The following TTC3 variants were observed in gnomAD, a reference collection of about 807,000 sequenced individuals.
TTC3 encodes the protein tetratricopeptide repeat domain 3.
TTC3 carries 180 observed loss-of-function variants against 249.6 expected under a neutral mutation model. The observed-to-expected ratio is 0.72, with a 90% CI of 0.64 to 0.82. The LOEUF (loss-of-function observed/expected upper bound fraction) is 0.82, where lower values mean the gene tolerates loss of function less well. Ranked by LOEUF, TTC3 falls within the 40% of genes least tolerant of loss-of-function variation. The probability of loss-of-function intolerance (pLI) is 0.00; values close to 1 mark genes in which losing one functional copy is unlikely to be tolerated. For synonymous variants in TTC3, 717 were observed against 805.0 expected, an observed-to-expected ratio of 0.89 and a Z score of 1.85; for missense variants, 2,061 against 2,398.4, an observed-to-expected ratio of 0.86 and a Z score of 2.94.
intron 27 of TTC3, 50 bp from the exon 28 acceptor site, chr21:37,156,605 C>T: frequency 1.3e-6 from 2 of 1,558,974 alleles, no homozygotes; most frequent in South Asian, 1.2e-5. Context: ...TGTGATTTTA[C>T]AGTAAATAAT....
intron 19 of TTC3, among the ~76,000 whole-genome samples, chr21:37,139,935 C>A (rs1204594220): frequency 2.0e-5 from 3 of 152,122 alleles, no homozygotes; most frequent in Non-Finnish European, 4.4e-5. Context: ...TTTGTAGTGA[C>A]ATTTCTTTTT....
At chr21:37,163,912 G>C in intron 31 of TTC3, 139 bp from the exon 32 acceptor site, 1 of 819,878 alleles carries the variant, frequency 1.2e-6, no homozygotes, top group South Asian at 2.8e-5. Flanking sequence ...AAGTTCCCTG[G>C]TGCTATTTTT....
At chr21:37,098,058 G>A (rs1223473286) in intron 10 of TTC3, 3 of 636,130 alleles carry the variant, frequency 4.7e-6, no homozygotes, top group Non-Finnish European at 8.6e-6. Context: ...TGGATAAACC[G>A]AGGCTATCTA....
chr21:37,156,945 T>G, intron 28 of TTC3, 39 bp downstream of exon 28: 1 of 1,586,490 alleles, frequency 6.3e-7, no homozygotes, highest in Non-Finnish European at 8.6e-7. Flanking sequence ...ACATTTAATC[T>G]TAAGGGGGAA....
Position 37,150,872 on chromosome 21 carries a change from A to G in TTC3, c.2264A>G (p.Gln755Arg), listed in dbSNP as rs1279838216. The G allele has an allele frequency of 6.2e-7, 1 of 1,608,316 alleles. No individual in the cohort carries two copies. Among genetic ancestry groups the G allele is most frequent in the South Asian group, 1.1e-5 (1 of 90,252 alleles). The change falls in exon 25 of 46, where the codon CAG becomes CGG. Residue 755 changes from glutamine to arginine, a missense_variant. Coordinates refer to ENST00000355666, the Ensembl canonical transcript of TTC3. The stretch of plus-strand genomic sequence containing the variant: ...GTTCCTCCAAGACCTATTCTGAAAC[A>G]GAAATGTTCTAGGTAAGATTTTTAA...
chr21:37,138,810 C>G, intron 19 of TTC3, 96 bp downstream of exon 19: 1 of 760,376 alleles, frequency 1.3e-6, no homozygotes, highest in Non-Finnish European at 2.0e-6. Context: ...TTCTCTGTAC[C>G]TTCTGATAAT....
At chr21:37,077,413 T>G (rs988963350) in intron 1 of TTC3, among the ~76,000 whole-genome samples, 6 of 152,210 alleles carry the variant, frequency 3.9e-5, no homozygotes, top group Non-Finnish European at 8.8e-5. Context: ...ATCACTATAG[T>G]AAGCTGTTTG....
chr21:37,195,663 T>G lies in TTC3; in HGVS notation c.5218-12T>G. 3 of 1,589,350 alleles carry G rather than the reference T, an allele frequency of 1.9e-6. No individual in the cohort carries two copies. In the South Asian group the frequency reaches 3.5e-5, roughly 18 times the overall value. On this transcript the variant is annotated splice_polypyrimidine_tract_variant and intron_variant, in intron 41 of 45. Transcript: ENST00000355666. ...GCCCTAAGTGATCCATGGTGTGGTG[T>G]GTTCCTCACAGGTTCATCCCGAGTT...
In TTC3 at chr21:37,090,287, G is replaced by GT. The variant is rs1213119851; in HGVS notation, c.480+2dup. On this transcript the variant is annotated splice_donor_variant, in intron 6 of 45. Transcript: ENST00000355666. LOFTEE classifies it high-confidence loss of function. The stretch of plus-strand genomic sequence containing the variant: ...GAGAATTGGTTGTAAAATAGAAAAT[G>GT]TAAGTGTTAAACACTGAAACTGGCA... 1 of 1,604,158 alleles carries GT rather than the reference G, an allele frequency of 6.2e-7. No homozygotes were observed. The highest frequency in any genetic ancestry group is 8.5e-7 in the Non-Finnish European group (1 of 1,174,350).
At position 37,096,565 on chromosome 21, in the gene TTC3, A is replaced by G. The variant is rs756602606; in HGVS notation, c.783-16A>G. ...GTGTAATGTGCTTTACTGACTAAAC[A>G]TTGTATCTTTTTAAGACCTGAAAAC... On this transcript the variant is annotated splice_polypyrimidine_tract_variant and intron_variant, in intron 9 of 45. Coordinates refer to ENST00000355666, the Ensembl canonical transcript of TTC3. The G allele has an allele frequency of 3.1e-6, 5 of 1,593,388 alleles. No homozygotes were observed. In the African/African-American group the frequency reaches 4.0e-5, roughly 13 times the overall value.
chr21:37,174,597 C>T (rs1224048247), intron 35 of TTC3, among the ~76,000 whole-genome samples: 3 of 152,194 alleles, frequency 2.0e-5, no homozygotes, highest in Non-Finnish European at 2.9e-5. Flanking sequence ...CCTTTATACT[C>T]CAGTTACTTG....
At chr21:37,142,053 C>G (rs953867120) in intron 20 of TTC3, among the ~76,000 whole-genome samples, 3 of 152,118 alleles carry the variant, frequency 2.0e-5, no homozygotes, top group Non-Finnish European at 4.4e-5. Flanking sequence ...ATTCAACAGC[C>G]CTTCATGCTA....
intron 2 of TTC3, 115 bp downstream of exon 2, chr21:37,087,516 C>A: frequency 7.8e-7 from 1 of 1,290,110 alleles, no homozygotes. Context: ...GGGAGGTACA[C>A]ATGCTGTTGA....
rs61649705 is a variant in TTC3, at chr21:37,140,142, CTG to C, written c.1660-416_1660-415del. Among the ~76,000 whole-genome samples the C allele has an allele frequency of 6.5e-3, 993 of 152,342 alleles. 12 individuals are homozygous for C. The highest frequency in any genetic ancestry group is 0.022 in the African/African-American group (929 of 41,568). On this transcript the variant is annotated intron_variant, in intron 19 of 45. Transcript: ENST00000355666. ...TTCATCCGTCTTGTGCCACAAAAGA[CTG>C]TGACAACGTCATTGGAATGGCATTC...
chr21:37,139,857 A>G (rs950433763), intron 19 of TTC3, among the ~76,000 whole-genome samples: 3 of 152,198 alleles, frequency 2.0e-5, no homozygotes, highest in African/African-American at 7.2e-5. Context: ...AAAGAATTTC[A>G]TCAGAGGACA....
At chr21:37,187,945 C>G (rs1462652143) in intron 38 of TTC3, 3 of 152,140 alleles carry the variant, frequency 2.0e-5, no homozygotes, top group African/African-American at 7.2e-5. Context: ...TTACTGACAC[C>G]TGGATTAAAA....
intron 7 of TTC3, among the ~76,000 whole-genome samples, chr21:37,092,200 GA>G (rs1216372784): frequency 3.5e-4 from 54 of 152,284 alleles, no homozygotes; most frequent in Admixed American, 3.5e-3. Flanking sequence ...TAGGAATCTT[GA>G]AACAGGAAAG....
At chr21:37,124,513 A>G in intron 13 of TTC3, 106 bp from the exon 14 acceptor site, 1 of 1,243,552 alleles carries the variant, frequency 8.0e-7, no homozygotes, top group Middle Eastern at 2.8e-4. Context: ...TTTTTAAAAC[A>G]ATAATACCTT....
chr21:37,090,725 T>C (rs2073157890), intron 6 of TTC3: 1 of 177,462 alleles, frequency 5.6e-6, no homozygotes, highest in South Asian at 1.9e-4. Context: ...GAAGTTACTT[T>C]AGACATTAGA....
Sources: allele counts gnomAD v4.1 joint callset (sites outside exome capture counted in the v4.1 genomes callset), GRCh38; gene constraint gnomAD v4.1.1; transcripts MANE v1.5; gene names NCBI Gene and HGNC (gene_info 2026-07-23, HGNC 2026-07-21).